Variants in KLHL20 observed in about 807,000 individuals in gnomAD.
The protein encoded by KLHL20 is kelch-like protein 20.
A neutral mutation model predicts 69.5 loss-of-function variants in KLHL20; 29 were observed. That is an observed-to-expected ratio of 0.42 (90% confidence interval 0.31 to 0.57). KLHL20 has a LOEUF of 0.57. Among genes scored for constraint, KLHL20 ranks in the 20% least tolerant of loss-of-function variants. The pLI is 0.18. For synonymous variants in KLHL20, 253 were observed against 265.2 expected (o/e 0.95, Z 0.45); for missense variants, 419 against 776.0 (o/e 0.54, Z 5.47).
At position 173,774,377 on chromosome 1, in the gene KLHL20, T is replaced by G. The variant is rs1648310797; in HGVS notation, c.1368T>G (p.Ala456=). 6.2e-7 allele frequency: 1 copy of G among 1,614,154 alleles called. No individual in the cohort carries two copies. The highest frequency in any genetic ancestry group is 2.2e-5 in the East Asian group (1 of 44,878). ...CCAGAAGACTAGGTGTGGCTGTGGCTGTGTTAGGAGGGTTCTTATATGCTG... is the reference window on the plus strand; with the variant it reads ...CCAGAAGACTAGGTGTGGCTGTGGCGGTGTTAGGAGGGTTCTTATATGCTG... The part of the protein sequence containing the change: ...MSTRRLGVAV[A]VLGGFLYAVG... Residue 456 remains alanine, a synonymous_variant, in exon 9 of 12, where the codon GCT becomes GCG. Coordinates refer to ENST00000209884, the MANE Select transcript of KLHL20 (RefSeq NM_014458.4).
chr1:173,751,224 TA>T (rs984171487), intron 3 of KLHL20, among the ~76,000 whole-genome samples: 27 of 152,282 alleles, frequency 1.8e-4, no homozygotes, highest in African/African-American at 5.5e-4. Context: ...TAGCCTTGGG[TA>T]AAGATAAATT....
At chr1:173,743,412 A>G (rs1672916893) in intron 3 of KLHL20, among the ~76,000 whole-genome samples, 1 of 151,946 alleles carries the variant, frequency 6.6e-6, no homozygotes. Flanking sequence ...ATTGGAGAGT[A>G]TATTGCCAAT....
intron 2 of KLHL20, 93 bp from the exon 3 acceptor site, chr1:173,733,620 A>G (rs2102471476): frequency 9.0e-7 from 1 of 1,116,672 alleles, no homozygotes; most frequent in Non-Finnish European, 1.3e-6. Flanking sequence ...AGCTAATTAC[A>G]TTTCCTTATC....
chr1:173,752,167 C>T (rs551271990), intron 4 of KLHL20, among the ~76,000 whole-genome samples: 2 of 150,546 alleles, frequency 1.3e-5, no homozygotes, highest in Admixed American at 6.7e-5. Context: ...AACCAGGAGG[C>T]GAAGATTGCA....
chr1:173,778,743 T>A (rs1470033903), intron 10 of KLHL20, among the ~76,000 whole-genome samples: 1 of 152,228 alleles, frequency 6.6e-6, no homozygotes, highest in Non-Finnish European at 1.5e-5. Context: ...GATTTTCTAA[T>A]GTATTGGCAT....
At chr1:173,745,952 G>A (rs73035125) in intron 3 of KLHL20, among the ~76,000 whole-genome samples, 3,849 of 151,802 alleles carry the variant, frequency 0.025, 176 homozygotes, top group African/African-American at 0.089. Context: ...AACAGAGTGA[G>A]ACTTTGTCTC....
rs575796609 is a variant in KLHL20, at chr1:173,719,671, A to AT, written c.23+3612dup. Among the ~76,000 whole-genome samples, 13 of 152,114 alleles carry AT rather than the reference A, an allele frequency of 8.5e-5. No homozygotes were observed. The South Asian group carries it at 1.2e-3, about 15-fold the overall frequency. On this transcript the variant is annotated intron_variant, in intron 2 of 11. Transcript: ENST00000209884. ...TTAGAATTGCCTAAAGATTATGTAC[A>AT]TTTTTTTAATTTTGGTGGACATTGA...
At chr1:173,775,559 C>T in intron 9 of KLHL20, 75 bp from the exon 10 acceptor site, 1 of 1,208,252 alleles carries the variant, frequency 8.3e-7, no homozygotes, top group South Asian at 1.3e-5. Flanking sequence ...CACAAAGTAT[C>T]AGTGGCTATA....
chr1:173,747,399 G>A (rs1408664938), intron 3 of KLHL20, among the ~76,000 whole-genome samples: 1 of 152,042 alleles, frequency 6.6e-6, no homozygotes, highest in East Asian at 1.9e-4. Flanking sequence ...TTTGTAAAGT[G>A]TTCTCCCTTG....
At chr1:173,782,379 A>G (rs1010940686) in intron 11 of KLHL20, 149 bp downstream of exon 11, 2 of 524,200 alleles carry the variant, frequency 3.8e-6, no homozygotes, top group Non-Finnish European at 6.8e-6. Flanking sequence ...GCTCATTTTG[A>G]CTTGATTGCT....
chr1:173,738,562 G>A (rs1672645503), intron 3 of KLHL20, among the ~76,000 whole-genome samples: 1 of 152,156 alleles, frequency 6.6e-6, no homozygotes. Flanking sequence ...GGGCATCTTT[G>A]TCTTGTTCCA....
intron 8 of KLHL20, among the ~76,000 whole-genome samples, chr1:173,766,885 A>T (rs1162482760): frequency 6.6e-6 from 1 of 152,154 alleles, no homozygotes; most frequent in East Asian, 1.9e-4. Flanking sequence ...GCTAACTAAC[A>T]TATTATCTCA....
Position 173,733,758 on chromosome 1 carries a change from C to G in KLHL20, c.69C>G (p.Ser23Arg), listed in dbSNP as rs143403511. 37 of 1,613,944 alleles carry G rather than the reference C, an allele frequency of 2.3e-5. No individual in the cohort carries two copies. Among genetic ancestry groups the G allele is most frequent in the Non-Finnish European group, 3.1e-5 (36 of 1,180,000 alleles). The change falls in exon 3 of 12, where the codon AGC becomes AGG. Residue 23 changes from serine to arginine, a missense_variant. Ser to Arg is a moderately radical substitution (Grantham distance 110). This residue lies in a region of KLHL20 where 129 missense variants were observed against 183.6 expected (regional missense o/e 0.70). Coordinates refer to ENST00000209884, the MANE Select transcript of KLHL20 (RefSeq NM_014458.4). Reference protein sequence around the residue: ...RPGETGMDVTSRCTLGDPNKL... With the variant: ...RPGETGMDVTRRCTLGDPNKL... ...GAGAGACTGGAATGGATGTAACAAG[C>G]CGCTGCACCCTTGGAGACCCCAACA...
chr1:173,784,287 A>G (rs1430247621), intron 11 of KLHL20, among the ~76,000 whole-genome samples: 2 of 152,200 alleles, frequency 1.3e-5, no homozygotes, highest in Non-Finnish European at 2.9e-5. Flanking sequence ...AGCAAAACCT[A>G]AATACGGTAA....
chr1:173,742,604 C>T (rs971316544), intron 3 of KLHL20, among the ~76,000 whole-genome samples: 2 of 150,954 alleles, frequency 1.3e-5, no homozygotes, highest in Admixed American at 6.6e-5. Flanking sequence ...AGGATATATA[C>T]GTATATATAC....
chr1:173,751,311 TCTC>T (rs1673301918), intron 3 of KLHL20, among the ~76,000 whole-genome samples: 1 of 152,182 alleles, frequency 6.6e-6, no homozygotes, highest in Non-Finnish European at 1.5e-5. Context: ...GGTCTAATAC[TCTC>T]CTCATTATAT....
chr1:173,741,801 A>G, intron 3 of KLHL20: 1 of 1,562,092 alleles, frequency 6.4e-7, no homozygotes, highest in Non-Finnish European at 8.7e-7. Flanking sequence ...ATGCTATAAA[A>G]TCACCATGGT....
At chr1:173,769,431 A>G (rs556293796) in intron 8 of KLHL20, among the ~76,000 whole-genome samples, 1 of 152,296 alleles carries the variant, frequency 6.6e-6, no homozygotes, top group East Asian at 1.9e-4. Context: ...GACGAGGGCA[A>G]CAGATGCCCT....
At chr1:173,760,671 A>C (rs928821458) in intron 7 of KLHL20, among the ~76,000 whole-genome samples, 3 of 152,196 alleles carry the variant, frequency 2.0e-5, no homozygotes, top group Admixed American at 1.3e-4. Flanking sequence ...AAATGCTGAG[A>C]TAATTCGCCA....
Sources: gnomAD v4.1 joint callset for allele counts (sites outside exome capture counted in the v4.1 genomes callset) on GRCh38, gnomAD v4.1.1 for gene constraint, gnomAD v4.1.1 regional missense constraint, MANE v1.5 for transcripts, NCBI Gene and HGNC (gene_info 2026-07-23, HGNC 2026-07-21) for gene names.